The following SDK1 variants were observed in gnomAD, a reference collection of about 807,000 sequenced individuals.
The protein encoded by SDK1 is sidekick cell adhesion molecule 1.
A neutral mutation model predicts 245.5 loss-of-function variants in SDK1; 157 were observed. That is an observed-to-expected ratio of 0.64 (90% CI 0.56 to 0.73). SDK1 has a LOEUF of 0.73. Ranked by LOEUF, SDK1 falls within the 30% of genes least tolerant of loss-of-function variation. SDK1 has a pLI of 0.00. For missense variants in SDK1, 3,583 were observed against 3,002.3 expected, an observed-to-expected ratio of 1.19 and a Z score of -4.52; for synonymous variants, 1,647 against 1,278.5, an observed-to-expected ratio of 1.29 and a Z score of -6.15.
intron 4 of SDK1, among the ~76,000 whole-genome samples, chr7:3,780,536 G>A (rs1780699236): frequency 6.6e-6 from 1 of 152,142 alleles, no homozygotes; most frequent in African/African-American, 2.4e-5. Context: ...CTTCATTAAC[G>A]TGGTAGGAAT....
chr7:3,334,064 C>A (rs900153616), intron 1 of SDK1, among the ~76,000 whole-genome samples: 3 of 152,178 alleles, frequency 2.0e-5, no homozygotes, highest in African/African-American at 7.2e-5. Context: ...CCAGTTGGAC[C>A]ATACCATTTG....
In SDK1 at chr7:3,518,671, C is replaced by CA. The variant is rs541849240; in HGVS notation, c.299-100400dup. ...GATAGGATGGCCATTATTAAAAAGA[C>CA]AAAAAAAAACATGCTGGCAATGATA... On this transcript the variant is annotated intron_variant, in intron 1 of 44. Coordinates refer to ENST00000404826, the MANE Select transcript of SDK1 (RefSeq NM_152744.4). Among the ~76,000 whole-genome samples the CA allele has an allele frequency of 3.4e-3, 508 of 149,584 alleles. 2 individuals carry two copies. Among genetic ancestry groups the CA allele is most frequent in the Admixed American group, 7.4e-3 (111 of 15,024 alleles).
At chr7:3,468,222 A>G (rs1191229689) in intron 1 of SDK1, among the ~76,000 whole-genome samples, 1 of 152,162 alleles carries the variant, frequency 6.6e-6, no homozygotes, top group African/African-American at 2.4e-5. Flanking sequence ...TTCTTTTACT[A>G]CTAATGAAAT....
intron 4 of SDK1, among the ~76,000 whole-genome samples, chr7:3,740,107 G>T (rs948444732): frequency 2.6e-5 from 4 of 152,148 alleles, no homozygotes; most frequent in Non-Finnish European, 2.9e-5. Flanking sequence ...GTGTGTGTGT[G>T]TTGAGGCTTG....
chr7:4,254,314 A>G (rs543686099), intron 44 of SDK1, among the ~76,000 whole-genome samples: 3 of 152,170 alleles, frequency 2.0e-5, no homozygotes, highest in Admixed American at 2.0e-4. Context: ...TCCATTTTTA[A>G]AAGTCTTTTC....
intron 5 of SDK1, among the ~76,000 whole-genome samples, chr7:3,945,254 T>C (rs913750659): frequency 6.6e-6 from 1 of 152,216 alleles, no homozygotes; most frequent in Non-Finnish European, 1.5e-5. Context: ...ATCCACACTC[T>C]GGGATTTAGC....
chr7:3,748,666 A>T (rs959007459), intron 4 of SDK1, among the ~76,000 whole-genome samples: 2 of 152,228 alleles, frequency 1.3e-5, no homozygotes, highest in African/African-American at 4.8e-5. Flanking sequence ...TGCTTCATGT[A>T]TTGAACTGTA....
intron 1 of SDK1, among the ~76,000 whole-genome samples, chr7:3,565,499 T>C (rs1182911144): frequency 6.6e-6 from 1 of 152,178 alleles, no homozygotes; most frequent in Non-Finnish European, 1.5e-5. Context: ...ATAGATAAAA[T>C]TGTCATTACT....
At chr7:3,722,831 A>T (rs961488392) in intron 4 of SDK1, among the ~76,000 whole-genome samples, 5 of 152,150 alleles carry the variant, frequency 3.3e-5, no homozygotes, top group African/African-American at 1.2e-4. Context: ...TCTGGCTCAC[A>T]GGGCCATCTG....
chr7:3,471,206 T>G (rs915065490), intron 1 of SDK1, among the ~76,000 whole-genome samples: 2 of 152,174 alleles, frequency 1.3e-5, no homozygotes, highest in Non-Finnish European at 2.9e-5. Context: ...GTGAGAAGAC[T>G]GAGTGAGGTC....
chr7:3,655,049 C>CTTTTTTTTT (rs10663969), intron 4 of SDK1, among the ~76,000 whole-genome samples: 1 of 144,308 alleles, frequency 6.9e-6, no homozygotes. Flanking sequence ...TCATAGCTTG[C>CTTTTTTTTT]TTTTTTTTTT....
intron 1 of SDK1, among the ~76,000 whole-genome samples, chr7:3,556,954 A>C (rs1779607082): frequency 6.6e-6 from 1 of 152,150 alleles, no homozygotes; most frequent in Non-Finnish European, 1.5e-5. Context: ...TGTACCCCTT[A>C]AATATTTACA....
chr7:3,815,466 A>C (rs1238685086), intron 4 of SDK1, among the ~76,000 whole-genome samples: 1 of 150,186 alleles, frequency 6.7e-6, no homozygotes, highest in Non-Finnish European at 1.5e-5. Flanking sequence ...GATGAAGCCC[A>C]CTTGATCATG....
chr7:4,127,369 G>T lies in SDK1; in HGVS notation c.3824-12G>T. The T allele has an allele frequency of 6.2e-7, 1 of 1,603,200 alleles. No individual in the cohort carries two copies. Among genetic ancestry groups the T allele is most frequent in the Non-Finnish European group, 8.5e-7 (1 of 1,170,048 alleles). On this transcript the variant is annotated splice_polypyrimidine_tract_variant and intron_variant, in intron 25 of 44. Transcript: ENST00000404826. Reference sequence around the variant, plus strand: ...ATTTTGGATGCTAATCTACTTCATTGGTTCTTTGCAGTTCCTTCAGCCGCC... The same window carrying T: ...ATTTTGGATGCTAATCTACTTCATTTGTTCTTTGCAGTTCCTTCAGCCGCC...
At chr7:3,389,883 C>A (rs1781704640) in intron 1 of SDK1, among the ~76,000 whole-genome samples, 2 of 152,194 alleles carry the variant, frequency 1.3e-5, no homozygotes, top group South Asian at 4.2e-4. Context: ...TTTTGAGGTA[C>A]ATGATTAAAA....
chr7:3,710,310 G>A (rs1583329523), intron 4 of SDK1, among the ~76,000 whole-genome samples: 2 of 152,286 alleles, frequency 1.3e-5, no homozygotes, highest in South Asian at 2.1e-4. Context: ...TTAGGTGGGC[G>A]TGAGATCCTC....
intron 28 of SDK1, among the ~76,000 whole-genome samples, chr7:4,134,108 G>C (rs562292357): frequency 1.3e-5 from 2 of 152,286 alleles, no homozygotes; most frequent in Admixed American, 1.3e-4. Flanking sequence ...CGGAAAGTCA[G>C]ATATTTATTG....
At chr7:3,483,128 C>T (rs1781569082) in intron 1 of SDK1, among the ~76,000 whole-genome samples, 1 of 152,050 alleles carries the variant, frequency 6.6e-6, no homozygotes, top group South Asian at 2.1e-4. Context: ...TTGTCAAGTT[C>T]CTGAAAAATC....
At chr7:3,639,250 TGA>T in intron 3 of SDK1, 140 bp downstream of exon 3, 4 of 471,844 alleles carry the variant, frequency 8.5e-6, no homozygotes, top group Admixed American at 7.1e-5. Context: ...CAAAACTCAG[TGA>T]GAGATAAGTA....
Sources: gnomAD v4.1 joint callset for allele counts (sites outside exome capture counted in the v4.1 genomes callset) on GRCh38, gnomAD v4.1.1 for gene constraint, MANE v1.5 for transcripts, NCBI Gene and HGNC (gene_info 2026-07-23, HGNC 2026-07-21) for gene names.